DGKB: variants seen among roughly 807,000 people sequenced by gnomAD.
DGKB encodes the protein 90 kDa diacylglycerol kinase.
In DGKB, 67 loss-of-function variants were observed where a neutral mutation model predicts 114.3. The ratio of observed to expected loss-of-function variants is 0.59; its 90% CI spans 0.48 to 0.72. The LOEUF is 0.72. DGKB is among the 30% of genes least tolerant of loss of function. The probability of loss-of-function intolerance (pLI) is 0.00; values close to 1 mark genes in which losing one functional copy is unlikely to be tolerated. For missense variants in DGKB, 907 were observed against 975.2 expected (o/e 0.93, Z 0.93); for synonymous variants, 398 against 323.1 (o/e 1.23, Z -2.49).
At chr7:14,686,119 G>T (rs1176736843) in intron 9 of DGKB, among the ~76,000 whole-genome samples, 1 of 151,928 alleles carries the variant, frequency 6.6e-6, no homozygotes, top group Non-Finnish European at 1.5e-5. Flanking sequence ...CAATCACTAT[G>T]GTTATTTGCC....
At chr7:14,765,806 T>A (rs906088353) in intron 2 of DGKB, among the ~76,000 whole-genome samples, 14 of 151,948 alleles carry the variant, frequency 9.2e-5, no homozygotes, top group African/African-American at 2.4e-5. Flanking sequence ...AATTGCTAAT[T>A]AAGAGATACT....
At chr7:14,299,673 GA>G (rs1803170803) in intron 23 of DGKB, among the ~76,000 whole-genome samples, 1 of 152,026 alleles carries the variant, frequency 6.6e-6, no homozygotes. Context: ...TTGACTGAAT[GA>G]AAAGGAAAGG....
chr7:14,639,457 C>A (rs1176576984), intron 13 of DGKB, among the ~76,000 whole-genome samples: 1 of 152,160 alleles, frequency 6.6e-6, no homozygotes, highest in East Asian at 1.9e-4. Flanking sequence ...TGCTACCTTG[C>A]CAGAGCAACT....
At chr7:14,225,116 G>C (rs922841001) in intron 23 of DGKB, among the ~76,000 whole-genome samples, 1 of 151,928 alleles carries the variant, frequency 6.6e-6, no homozygotes, top group African/African-American at 2.4e-5. Flanking sequence ...CACTGTTTTT[G>C]AAAGCACCCT....
chr7:14,887,257 T>C (rs1780437235), intron 1 of DGKB, among the ~76,000 whole-genome samples: 1 of 151,854 alleles, frequency 6.6e-6, no homozygotes, highest in Non-Finnish European at 1.5e-5. Context: ...AATCCTGTAG[T>C]TGATCTGCAA....
intron 1 of DGKB, among the ~76,000 whole-genome samples, chr7:14,913,070 C>T (rs1784070977): frequency 6.6e-6 from 1 of 152,072 alleles, no homozygotes; most frequent in African/African-American, 2.4e-5. Flanking sequence ...TGCTGGTTAG[C>T]ACTCTTCTTA....
intron 1 of DGKB, among the ~76,000 whole-genome samples, chr7:14,878,941 A>G (rs1853789679): frequency 6.7e-6 from 1 of 149,626 alleles, no homozygotes; most frequent in African/African-American, 2.6e-5. Flanking sequence ...CTTCATATCA[A>G]AAGTCATCAA....
intron 5 of DGKB, among the ~76,000 whole-genome samples, chr7:14,722,008 T>C (rs1430028158): frequency 1.3e-5 from 2 of 152,170 alleles, no homozygotes; most frequent in African/African-American, 2.4e-5. Context: ...TCTACTTCTG[T>C]TTATAAAGTT....
At chr7:14,261,350 TA>T (rs1415574205) in intron 23 of DGKB, among the ~76,000 whole-genome samples, 3 of 152,120 alleles carry the variant, frequency 2.0e-5, no homozygotes, top group African/African-American at 7.2e-5. Flanking sequence ...TAATAATGTA[TA>T]GGTGGCCTCT....
chr7:14,521,667 C>G (rs983682879), intron 20 of DGKB, among the ~76,000 whole-genome samples: 59 of 151,852 alleles, frequency 3.9e-4, no homozygotes, highest in African/African-American at 1.4e-3. Context: ...TTCATGGATC[C>G]CTTTAATTCT....
rs978427343 is a variant in DGKB at position 14,742,091 on chromosome 7, A to C, written c.169-5897T>G. ...ACTACTTGGGAAAAATGGAAAAGAT[A>C]TAATGTATTCCATTTTTGGAGAAAC... On this transcript the variant is annotated intron_variant, in intron 4 of 25. Transcript: ENST00000402815. 8.5e-5 allele frequency among the ~76,000 whole-genome samples: 13 copies of C among 152,328 alleles called. No homozygotes were observed. The South Asian group carries it at 2.7e-3, about 32-fold the overall frequency.
At chr7:14,345,474 G>A in intron 21 of DGKB, 83 bp from the exon 22 acceptor site, 1 of 683,844 alleles carries the variant, frequency 1.5e-6, no homozygotes, top group Non-Finnish European at 2.5e-6. Flanking sequence ...TCTGTCTTGT[G>A]TTATAATAGA....
chr7:14,890,424 T>G (rs1457993209), intron 1 of DGKB, among the ~76,000 whole-genome samples: 1 of 151,410 alleles, frequency 6.6e-6, no homozygotes, highest in African/African-American at 2.4e-5. Context: ...TCCTCTAACA[T>G]GCCTTCGCTT....
At chr7:14,578,093 A>C (rs746624060) in intron 19 of DGKB, among the ~76,000 whole-genome samples, 2 of 152,058 alleles carry the variant, frequency 1.3e-5, no homozygotes, top group Non-Finnish European at 2.9e-5. Flanking sequence ...GGTGGTGGTG[A>C]GTGAGTTCTC....
intron 2 of DGKB, among the ~76,000 whole-genome samples, chr7:14,838,844 A>G (rs2128134379): frequency 6.6e-6 from 1 of 152,292 alleles, no homozygotes; most frequent in South Asian, 2.1e-4. Flanking sequence ...ATATGCTTGC[A>G]TTCTTACAGA....
intron 1 of DGKB, among the ~76,000 whole-genome samples, chr7:14,913,630 G>A (rs998276127): frequency 2.6e-5 from 4 of 151,844 alleles, no homozygotes; most frequent in Non-Finnish European, 4.4e-5. Flanking sequence ...AGCAAAGAAG[G>A]AGGCAAACTA....
chr7:14,829,010 GA>G (rs1325374398), intron 2 of DGKB, among the ~76,000 whole-genome samples: 2 of 151,682 alleles, frequency 1.3e-5, no homozygotes, highest in Middle Eastern at 3.4e-3. Context: ...CAACAACCTA[GA>G]AAAAAAATAG....
At chr7:14,885,512 A>G (rs77307197) in intron 1 of DGKB, among the ~76,000 whole-genome samples, 6,081 of 151,956 alleles carry the variant, frequency 0.04, 264 homozygotes, top group Admixed American at 0.13. Context: ...GTCAACTGCT[A>G]TGAGAGAAGA....
chr7:14,344,736 C>T (rs1458726635), intron 22 of DGKB, among the ~76,000 whole-genome samples: 1 of 150,898 alleles, frequency 6.6e-6, no homozygotes, highest in African/African-American at 2.4e-5. Context: ...CTATTTGCTC[C>T]AAGTCTTTTT....
Sources: allele counts gnomAD v4.1 joint callset (sites outside exome capture counted in the v4.1 genomes callset), GRCh38; gene constraint gnomAD v4.1.1; transcripts MANE v1.5; gene names NCBI Gene and HGNC (gene_info 2026-07-23, HGNC 2026-07-21).